ZCWPW2: variants seen among roughly 807,000 people sequenced by gnomAD.
The protein encoded by ZCWPW2 is zinc finger CW-type and PWWP domain containing 2.
In ZCWPW2, 45 loss-of-function variants were observed where a neutral mutation model predicts 46.6. The ratio of observed to expected loss-of-function variants is 0.96; its 90% CI spans 0.76 to 1.24. The LOEUF (loss-of-function observed/expected upper bound fraction) is 1.24, where lower values mean the gene tolerates loss of function less well. ZCWPW2 is among the 50% of genes most tolerant of loss of function. The probability of loss-of-function intolerance (pLI) is 0.00; values close to 1 mark genes in which losing one functional copy is unlikely to be tolerated. For synonymous variants in ZCWPW2, 152 were observed against 137.1 expected, an observed-to-expected ratio of 1.11 and a Z score of -0.76; for missense variants, 429 against 403.9, an observed-to-expected ratio of 1.06 and a Z score of -0.53.
At chr3:28,390,653 A>G in intron 2 of ZCWPW2, 36 bp downstream of exon 2, 1 of 985,320 alleles carries the variant, frequency 1.0e-6, no homozygotes, top group Non-Finnish European at 1.2e-6. Context: ...GTTTTTCTCT[A>G]GTACATAAGC....
At chr3:28,372,764 C>T (rs1345687030) in intron 1 of ZCWPW2, among the ~76,000 whole-genome samples, 1 of 152,080 alleles carries the variant, frequency 6.6e-6, no homozygotes, top group Non-Finnish European at 1.5e-5. Flanking sequence ...TTTCAGCCCT[C>T]ACCCCTTTCC....
intron 6 of ZCWPW2, among the ~76,000 whole-genome samples, chr3:28,500,184 T>C (rs1700104554): frequency 6.6e-6 from 1 of 152,026 alleles, no homozygotes; most frequent in South Asian, 2.1e-4. Context: ...GCCGTAATTG[T>C]CATTGACAGG....
chr3:28,474,927 C>G (rs1699184182), intron 4 of ZCWPW2, among the ~76,000 whole-genome samples: 1 of 152,094 alleles, frequency 6.6e-6, no homozygotes, highest in Non-Finnish European at 1.5e-5. Context: ...CTCCCGGGTT[C>G]AAGCAATTCT....
At chr3:28,380,390 A>G (rs1695001930) in intron 1 of ZCWPW2, among the ~76,000 whole-genome samples, 1 of 152,024 alleles carries the variant, frequency 6.6e-6, no homozygotes, top group Non-Finnish European at 1.5e-5. Context: ...TTTTCTTTGC[A>G]TTTCCTCACT....
At chr3:28,489,682 A>AC (rs1376253097) in intron 5 of ZCWPW2, among the ~76,000 whole-genome samples, 1 of 147,112 alleles carries the variant, frequency 6.8e-6, no homozygotes, top group Non-Finnish European at 1.5e-5. Context: ...ACACACACAC[A>AC]CACACACACA....
At chr3:28,497,096 A>G (rs1700010033) in intron 6 of ZCWPW2, among the ~76,000 whole-genome samples, 1 of 150,400 alleles carries the variant, frequency 6.6e-6, no homozygotes, top group South Asian at 2.1e-4. Flanking sequence ...TAAACAAAAT[A>G]CAAACTGTTA....
chr3:28,465,655 C>T (rs1698792481), intron 4 of ZCWPW2, among the ~76,000 whole-genome samples: 1 of 150,526 alleles, frequency 6.6e-6, no homozygotes, highest in South Asian at 2.1e-4. Context: ...TATAATTAAC[C>T]AAAGAAAGAA....
In ZCWPW2 at chr3:28,348,981, C is replaced by T. The variant is rs1273555088; in HGVS notation, c.-356C>T. ...TTGGAAGTGTGGATGAGCTCTCAGC[C>T]GGAAAAGGGGCTGCCGCTGTCCGCG... On this transcript the variant is annotated 5_prime_UTR_variant, in exon 1 of 10. Coordinates refer to ENST00000383768, the MANE Select transcript of ZCWPW2 (RefSeq NM_001040432.4). 3.0e-6 allele frequency: 3 copies of T among 985,560 alleles called. No individual in the cohort carries two copies. The highest frequency in any genetic ancestry group is 3.6e-6 in the Non-Finnish European group (3 of 830,170). 61.1% of individuals were successfully genotyped at this position (985,560 alleles called of 1,614,324 possible).
chr3:28,515,442 T>G, intron 7 of ZCWPW2, 112 bp from the exon 8 acceptor site: 1 of 803,812 alleles, frequency 1.2e-6, no homozygotes, highest in Non-Finnish European at 2.0e-6. Context: ...AGAATTACCT[T>G]TAGAAAATAT....
rs188421101 is a variant in ZCWPW2, at chr3:28,443,182, T to C, written c.492+7913T>C. Among the ~76,000 whole-genome samples, 178 of 152,292 alleles carry C rather than the reference T, an allele frequency of 1.2e-3. 1 individual carries two copies. The highest frequency in any genetic ancestry group is 2.2e-3 in the Non-Finnish European group (147 of 68,012). On this transcript the variant is annotated intron_variant, in intron 4 of 9. Transcript: ENST00000383768. Reference sequence around the variant, plus strand: ...TAACTGGAGGACTACAATGACATTTTGGGTTCCCTGGAATCAACGTCAGCT... The same window carrying C: ...TAACTGGAGGACTACAATGACATTTCGGGTTCCCTGGAATCAACGTCAGCT...
At chr3:28,507,508 A>T (rs1320787664) in intron 6 of ZCWPW2, among the ~76,000 whole-genome samples, 10 of 148,478 alleles carry the variant, frequency 6.7e-5, no homozygotes, top group Admixed American at 1.3e-4. Context: ...TTTTTTTGAG[A>T]TGGTGTCTCC....
intron 4 of ZCWPW2, among the ~76,000 whole-genome samples, chr3:28,436,135 G>A (rs768000926): frequency 4.6e-5 from 7 of 152,056 alleles, no homozygotes; most frequent in South Asian, 2.1e-4. Context: ...TCAAATTTAT[G>A]AGAATAGGTA....
chr3:28,462,540 T>A (rs1698678668), intron 4 of ZCWPW2, among the ~76,000 whole-genome samples: 1 of 152,190 alleles, frequency 6.6e-6, no homozygotes, highest in Admixed American at 6.5e-5. Flanking sequence ...TCAAATTTCT[T>A]ATTATCCTGG....
chr3:28,489,402 C>G (rs1224913594), intron 5 of ZCWPW2, among the ~76,000 whole-genome samples: 1 of 152,010 alleles, frequency 6.6e-6, no homozygotes. Context: ...GGGCCCTTTA[C>G]ACATGATTAA....
rs780059268 is a variant in ZCWPW2 at position 28,521,130 on chromosome 3, T to C, written c.909+14T>C. On this transcript the variant is annotated intron_variant, in intron 9 of 9. Coordinates refer to ENST00000383768, the MANE Select transcript of ZCWPW2 (RefSeq NM_001040432.4). ...ATGGGAGAAAAGGTAATATTGATAGTTATTTTCAGACCTAAATAACAACTT... is the reference window on the plus strand; with the variant it reads ...ATGGGAGAAAAGGTAATATTGATAGCTATTTTCAGACCTAAATAACAACTT... 3.3e-5 allele frequency: 52 copies of C among 1,587,262 alleles called. 1 individual carries two copies. The South Asian group carries it at 5.9e-4, about 18-fold the overall frequency.
At chr3:28,456,180 C>G (rs1698414354) in intron 4 of ZCWPW2, among the ~76,000 whole-genome samples, 2 of 152,096 alleles carry the variant, frequency 1.3e-5, no homozygotes, top group African/African-American at 4.8e-5. Flanking sequence ...TTGTCGTTCT[C>G]CTTGAAGAAG....
intron 6 of ZCWPW2, among the ~76,000 whole-genome samples, chr3:28,500,867 G>A (rs573969246): frequency 6.6e-6 from 1 of 152,244 alleles, no homozygotes; most frequent in Non-Finnish European, 1.5e-5. Flanking sequence ...AGAAATCTCA[G>A]AAAAGAATAG....
At chr3:28,461,124 T>C (rs550567442) in intron 4 of ZCWPW2, 3 of 166,616 alleles carry the variant, frequency 1.8e-5, no homozygotes, top group African/African-American at 7.1e-5. Context: ...ATTTTAAATA[T>C]ATAAACATTG....
At chr3:28,517,515 T>C (rs920572422) in intron 8 of ZCWPW2, among the ~76,000 whole-genome samples, 2 of 152,108 alleles carry the variant, frequency 1.3e-5, no homozygotes, top group African/African-American at 4.8e-5. Context: ...TCACTCACTA[T>C]CACCAGGACA....
Sources: allele counts gnomAD v4.1 joint callset (sites outside exome capture counted in the v4.1 genomes callset), GRCh38; gene constraint gnomAD v4.1.1; transcripts MANE v1.5; gene names NCBI Gene and HGNC (gene_info 2026-07-23, HGNC 2026-07-21).